CORO1C: variants seen among roughly 807,000 people sequenced by gnomAD.
CORO1C encodes coronin 1C, also known as coronin-1C.
In CORO1C, 14 loss-of-function variants were observed where a neutral mutation model predicts 51.2. That is an observed-to-expected ratio of 0.27 (90% CI 0.18 to 0.43). CORO1C has a LOEUF of 0.43. CORO1C is among the 20% of genes least tolerant of loss of function. The probability of loss-of-function intolerance (pLI) is 1.00; values close to 1 mark genes in which losing one functional copy is unlikely to be tolerated. For missense variants in CORO1C, 417 were observed against 607.8 expected, an observed-to-expected ratio of 0.69 and a Z score of 3.30; for synonymous variants, 181 against 210.5, an observed-to-expected ratio of 0.86 and a Z score of 1.21.
chr12:108,726,128 C>A (rs780286681), intron 1 of CORO1C, among the ~76,000 whole-genome samples: 1 of 152,046 alleles, frequency 6.6e-6, no homozygotes, highest in African/African-American at 2.4e-5. Flanking sequence ...CCACCACGCC[C>A]GGCATGAAAT....
intron 2 of CORO1C, among the ~76,000 whole-genome samples, chr12:108,679,227 C>T (rs2034039157): frequency 7.1e-6 from 1 of 141,844 alleles, no homozygotes; most frequent in African/African-American, 2.6e-5. Flanking sequence ...GAGCCTACTA[C>T]ATTGTAATGT....
intron 4 of CORO1C, among the ~76,000 whole-genome samples, chr12:108,660,879 T>G (rs561737453): frequency 1.3e-5 from 2 of 152,220 alleles, no homozygotes; most frequent in Non-Finnish European, 2.9e-5. Flanking sequence ...GGCCTTAGTT[T>G]CAATAGTTAC....
chr12:108,686,840 A>G (rs2034310935), intron 2 of CORO1C, among the ~76,000 whole-genome samples: 1 of 152,240 alleles, frequency 6.6e-6, no homozygotes. Context: ...GATCCAGTAC[A>G]GCCTGCCCAG....
At chr12:108,675,730 T>C (rs1440703178) in intron 3 of CORO1C, among the ~76,000 whole-genome samples, 2 of 152,188 alleles carry the variant, frequency 1.3e-5, no homozygotes, top group Non-Finnish European at 2.9e-5. Context: ...CCCTAGTGAA[T>C]GACTGGATAT....
At chr12:108,729,130 T>C (rs546443334) in intron 1 of CORO1C, among the ~76,000 whole-genome samples, 1 of 152,328 alleles carries the variant, frequency 6.6e-6, no homozygotes, top group African/African-American at 2.4e-5. Context: ...TTGATATTCA[T>C]CCTTTTGAAC....
At chr12:108,654,511 G>A (rs756479038) in intron 6 of CORO1C, 101 bp from the exon 7 acceptor site, 9 of 617,622 alleles carry the variant, frequency 1.5e-5, no homozygotes, top group South Asian at 2.6e-5. Context: ...CCAATTAAGC[G>A]AGCCATTTTC....
At chr12:108,652,458 T>C in intron 7 of CORO1C, 41 bp from the exon 8 acceptor site, 1 of 1,559,874 alleles carries the variant, frequency 6.4e-7, no homozygotes, top group Non-Finnish European at 8.8e-7. Flanking sequence ...GATTGTTAAC[T>C]GAAACATCTG....
At chr12:108,722,626 C>T (rs772318190) in intron 1 of CORO1C, among the ~76,000 whole-genome samples, 14 of 152,194 alleles carry the variant, frequency 9.2e-5, no homozygotes, top group Non-Finnish European at 1.9e-4. Context: ...GCTGAATCAA[C>T]ACAATAGATA....
intron 1 of CORO1C, among the ~76,000 whole-genome samples, chr12:108,714,741 G>A (rs1466177910): frequency 2.0e-5 from 3 of 151,578 alleles, no homozygotes; most frequent in African/African-American, 7.3e-5. Context: ...CCAGCCTGGG[G>A]GACACAGTGA....
intron 1 of CORO1C, among the ~76,000 whole-genome samples, chr12:108,713,261 G>GA (rs35233071): frequency 6.6e-6 from 1 of 152,088 alleles, no homozygotes; most frequent in Admixed American, 6.6e-5. Context: ...TGGACTTGTT[G>GA]AAAAAAATGT....
chr12:108,648,908 A>T (rs560543380), intron 9 of CORO1C, 55 bp downstream of exon 9: 21 of 1,611,306 alleles, frequency 1.3e-5, no homozygotes, highest in Non-Finnish European at 1.8e-5. Context: ...GGATTTTTGA[A>T]TTTTATTTTT....
intron 10 of CORO1C, 59 bp from the exon 11 acceptor site, chr12:108,647,581 T>C (rs2032422016): frequency 1.3e-5 from 16 of 1,262,436 alleles, no homozygotes; most frequent in Non-Finnish European, 2.2e-6. Flanking sequence ...TTCAACACTG[T>C]TCAAAACTTG....
chr12:108,655,842 T>C (rs886436746), intron 6 of CORO1C, among the ~76,000 whole-genome samples: 9 of 150,678 alleles, frequency 6.0e-5, no homozygotes, highest in African/African-American at 2.2e-4. Flanking sequence ...TGGCCGCCCA[T>C]CGTCTGGGAT....
chr12:108,706,648 G>T (rs538801605), intron 1 of CORO1C, among the ~76,000 whole-genome samples: 1 of 151,960 alleles, frequency 6.6e-6, no homozygotes, highest in Non-Finnish European at 1.5e-5. Context: ...AGGGTGGAGC[G>T]CAGTGGTGCA....
intron 2 of CORO1C, among the ~76,000 whole-genome samples, chr12:108,688,507 G>T (rs568748589): frequency 6.6e-6 from 1 of 152,304 alleles, no homozygotes; most frequent in Admixed American, 6.5e-5. Context: ...TATTACAAAA[G>T]ATCATTCAGA....
At chr12:108,700,187 T>C (rs2034822434) in intron 2 of CORO1C, among the ~76,000 whole-genome samples, 1 of 152,012 alleles carries the variant, frequency 6.6e-6, no homozygotes, top group Non-Finnish European at 1.5e-5. Context: ...TTCAGCAGAG[T>C]GGAAACAGCT....
At chr12:108,718,955 C>T (rs2035408138) in intron 1 of CORO1C, among the ~76,000 whole-genome samples, 1 of 152,120 alleles carries the variant, frequency 6.6e-6, no homozygotes, top group Non-Finnish European at 1.5e-5. Flanking sequence ...GAAAATATCT[C>T]TAGGGAAGTG....
intron 3 of CORO1C, among the ~76,000 whole-genome samples, chr12:108,664,069 T>C (rs2033381151): frequency 6.6e-6 from 1 of 152,214 alleles, no homozygotes; most frequent in Non-Finnish European, 1.5e-5. Flanking sequence ...CTGAGTAGCA[T>C]CAAGAACCCT....
intron 8 of CORO1C, among the ~76,000 whole-genome samples, chr12:108,651,579 A>G (rs999043862): frequency 4.6e-5 from 7 of 152,288 alleles, no homozygotes; most frequent in African/African-American, 1.4e-4. Context: ...TTCCACTCAT[A>G]GGGTAGGAAA....
Sources: gnomAD v4.1 joint callset for allele counts (sites outside exome capture counted in the v4.1 genomes callset) on GRCh38, gnomAD v4.1.1 for gene constraint, MANE v1.5 for transcripts, NCBI Gene and HGNC (gene_info 2026-07-23, HGNC 2026-07-21) for gene names.